PPP1R11: variants seen among roughly 807,000 people sequenced by gnomAD.
PPP1R11 encodes protein phosphatase 1 regulatory inhibitor subunit 11.
In PPP1R11, 10 loss-of-function variants were observed where a neutral mutation model predicts 11.3. The ratio of observed to expected loss-of-function variants is 0.88; its 90% CI spans 0.55 to 1.50. PPP1R11 has a LOEUF of 1.50. Ranked by LOEUF, PPP1R11 falls within the 40% of genes most tolerant of loss-of-function variation. PPP1R11 has a pLI of 0.00. For missense variants in PPP1R11, 114 were observed against 179.1 expected (o/e 0.64, Z 2.07); for synonymous variants, 56 against 62.3 (o/e 0.90, Z 0.48).
chr6:30,068,974 T>C, intron 2 of PPP1R11, 130 bp from the exon 3 acceptor site: 1 of 972,300 alleles, frequency 1.0e-6, no homozygotes, highest in Non-Finnish European at 1.5e-6. Flanking sequence ...TCCCAGAGGG[T>C]GGGCCTGGGG....
chr6:30,069,443 T>A lies in PPP1R11; in HGVS notation c.*137T>A. On this transcript the variant is annotated 3_prime_UTR_variant, in exon 3 of 3. Transcript: ENST00000376772. The surrounding 1 kb of genome is among the most constrained non-coding windows in gnomAD (Gnocchi z 6.6). The stretch of plus-strand genomic sequence containing the variant: ...AGGAGGACGAACAGAGATCCTGAAA[T>A]TCTGACTTGCTGCTATTCCAGAACC... 1.4e-6 allele frequency: 1 copy of A among 738,746 alleles called. No homozygotes were observed. The highest frequency in any genetic ancestry group is 2.1e-6 in the Non-Finnish European group (1 of 483,578). 45.8% of individuals were successfully genotyped at this position (738,746 alleles called of 1,614,324 possible).
chr6:30,067,964 TGTAAATGGAGAA>T (rs1425142889), intron 1 of PPP1R11, among the ~76,000 whole-genome samples: 8 of 152,054 alleles, frequency 5.3e-5, no homozygotes, highest in Non-Finnish European at 1.2e-4. Context: ...AGAGCAAAGA[TGTAAATGGAGAA>T]ACAAGAAGTA....
chr6:30,062,714 C>CCTTTTTTTTTTTTTTTTTTTT (rs749507630), upstream of PPP1R11, among the ~76,000 whole-genome samples: 6 of 42,388 alleles, frequency 1.4e-4, 1 homozygote, highest in East Asian at 9.5e-4. Context: ...CCACGCCTGG[C>CCTTTTTTTTTTTTTTTTTTTT]TTTTTTTTTT....
intron 1 of PPP1R11, chr6:30,068,379 CT>C (rs1765684819): frequency 2.3e-6 from 1 of 436,778 alleles, no homozygotes; most frequent in African/African-American, 2.0e-5. Flanking sequence ...TTCTCTTATA[CT>C]GGTGGTATAA....
At chr6:30,063,436 A>G (rs928726468), upstream of PPP1R11, among the ~76,000 whole-genome samples, 1 of 151,660 alleles carries the variant, frequency 6.6e-6, no homozygotes, top group Non-Finnish European at 1.5e-5. The surrounding 1 kb of genome is among the most constrained non-coding windows in gnomAD (Gnocchi z 4.1). Context: ...TTTGAGTTCT[A>G]TTTAATTACT....
upstream of PPP1R11, chr6:30,062,391 GATTT>G: frequency 8.0e-7 from 1 of 1,255,318 alleles, no homozygotes; most frequent in Non-Finnish European, 1.2e-6. Flanking sequence ...CAAATCCAGT[GATTT>G]ATTTTTTTGT....
upstream of PPP1R11, among the ~76,000 whole-genome samples, chr6:30,063,164 A>C: frequency 6.6e-6 from 1 of 151,538 alleles, no homozygotes; most frequent in East Asian, 1.9e-4. The surrounding 1 kb of genome is among the most constrained non-coding windows in gnomAD (Gnocchi z 4.1). Context: ...TTTTTTCATC[A>C]ACCTTGGAAA....
rs1765701450 is a variant in PPP1R11 at position 30,068,577 on chromosome 6, C to T, written c.70-13C>T. ...AGGGGACTAGATAGGTATGCTCATC[C>T]TTAACCTTCTAGGAGAACCGGAGCC... On this transcript the variant is annotated splice_polypyrimidine_tract_variant and intron_variant, in intron 1 of 2. Coordinates refer to ENST00000376772, the MANE Select transcript of PPP1R11 (RefSeq NM_021959.3). 1.2e-6 allele frequency: 2 copies of T among 1,608,250 alleles called. No individual in the cohort carries two copies. The highest frequency in any genetic ancestry group is 2.7e-5 in the African/African-American group (2 of 74,886).
In PPP1R11 at chr6:30,068,785, A is replaced by C. The variant is rs1488740617; in HGVS notation, c.178+87A>C. ...CTACTCATATCCACTGGCTTTCCAGAAGCCCCCAGATGTTCATAGTTCTGT... is the reference window on the plus strand; with the variant it reads ...CTACTCATATCCACTGGCTTTCCAGCAGCCCCCAGATGTTCATAGTTCTGT... On this transcript the variant is annotated intron_variant, in intron 2 of 2. Transcript: ENST00000376772. 3 of 1,197,102 alleles carry C rather than the reference A, an allele frequency of 2.5e-6. No homozygotes were observed. In the African/African-American group the frequency reaches 4.6e-5, roughly 18 times the overall value. The allele number at this position is 1,197,102 out of a possible 1,614,324, so 74.2% of individuals were successfully genotyped here. A position where few individuals can be genotyped will look rare whatever the true frequency, so the allele number is the denominator to read the frequency against.
At position 30,067,279 on chromosome 6, in the gene PPP1R11, G is replaced by A; in HGVS notation, c.-132G>A. On this transcript the variant is annotated 5_prime_UTR_variant, in exon 1 of 3. Transcript: ENST00000376772. ...GGAGAAGCGGAGGCCCAGGAGGAGG[G>A]GGAATAAAGAAGGTGGAGGATCCTG... is the stretch of plus-strand genomic sequence containing the variant. The A allele has an allele frequency of 1.1e-6, 1 of 919,580 alleles. No homozygotes were observed. The highest frequency in any genetic ancestry group is 1.7e-6 in the Non-Finnish European group (1 of 600,782). 57.0% of individuals were successfully genotyped at this position (919,580 alleles called of 1,614,324 possible). A position where few individuals can be genotyped will look rare whatever the true frequency, so the allele number is the denominator to read the frequency against.
At chr6:30,062,378 A>G (rs1253493220), upstream of PPP1R11, 6 of 1,322,988 alleles carry the variant, frequency 4.5e-6, no homozygotes, top group Non-Finnish European at 6.5e-6. Flanking sequence ...TTTGCTAACT[A>G]AACAAATCCA....
chr6:30,067,321 C>A lies in PPP1R11; in HGVS notation c.-90C>A, dbSNP rs544260077. The A allele has an allele frequency of 2.2e-6, 3 of 1,358,726 alleles. No individual in the cohort carries two copies. Among genetic ancestry groups the A allele is most frequent in the East Asian group, 2.3e-5 (1 of 42,672 alleles). 84.2% of individuals were successfully genotyped at this position (1,358,726 alleles called of 1,614,324 possible). A position where few individuals can be genotyped will look rare whatever the true frequency, so the allele number is the denominator to read the frequency against. ...AGGATCCTGGCTACCACTCTGAATC[C>A]GATACCGCTTCTCTTAGACCTCAGC... On this transcript the variant is annotated 5_prime_UTR_variant, in exon 1 of 3. Transcript: ENST00000376772.
Position 30,069,925 on chromosome 6 carries a change from C to T in PPP1R11, c.*619C>T, listed in dbSNP as rs1245606319. On this transcript the variant is annotated 3_prime_UTR_variant, in exon 3 of 3. Coordinates refer to ENST00000376772, the MANE Select transcript of PPP1R11 (RefSeq NM_021959.3). This position sits in a 1 kb window ranked among gnomAD's most constrained non-coding sequence, Gnocchi z 6.6. ...AAAATGGAATAAGAAATAATCATAT[C>T]CTTTCTTCCCACCCTTCTCCTGTTA... The T allele has an allele frequency of 6.6e-6, 1 of 152,178 alleles. No individual in the cohort carries two copies. The highest frequency in any genetic ancestry group is 1.5e-5 in the Non-Finnish European group (1 of 68,056). 9.4% of individuals were successfully genotyped at this position (152,178 alleles called of 1,614,324 possible).
chr6:30,068,766 A>G (rs1765719411), intron 2 of PPP1R11, 68 bp downstream of exon 2: 10 of 1,370,830 alleles, frequency 7.3e-6, no homozygotes, highest in African/African-American at 1.4e-5. Flanking sequence ...GTATCTACTC[A>G]TATCCACTGG....
At chr6:30,067,074 C>T (rs1407936296), upstream of PPP1R11, 3 of 325,304 alleles carry the variant, frequency 9.2e-6, no homozygotes, top group African/African-American at 4.2e-5. Context: ...ACCCCTTCCG[C>T]CAAATTTGTT....
Position 30,068,654 on chromosome 6 carries a change from G to GT in PPP1R11, c.135dup (p.Asp46Ter). The GT allele has an allele frequency of 6.2e-7, 1 of 1,613,030 alleles. No individual in the cohort carries two copies. Among genetic ancestry groups the GT allele is most frequent in the Non-Finnish European group, 8.5e-7 (1 of 1,180,002 alleles). ...CCAGAGAAAAAGGTAGAATGGACAAGTGACACTGTGGACAATGAACACATG... is the reference window on the plus strand; with the variant it reads ...CCAGAGAAAAAGGTAGAATGGACAAGTTGACACTGTGGACAATGAACACATG... On this transcript the variant is annotated frameshift_variant, in exon 2 of 3. Coordinates refer to ENST00000376772, the MANE Select transcript of PPP1R11 (RefSeq NM_021959.3). LOFTEE classifies it high-confidence loss of function.
At chr6:30,063,955 T>C (rs1561966005), upstream of PPP1R11, among the ~76,000 whole-genome samples, 1 of 152,190 alleles carries the variant, frequency 6.6e-6, no homozygotes, top group Non-Finnish European at 1.5e-5. The surrounding 1 kb of genome is among the most constrained non-coding windows in gnomAD (Gnocchi z 4.1). Context: ...TAGAGTTGAA[T>C]TTTTTCTTTT....
At chr6:30,062,453 C>T (rs1765161229), upstream of PPP1R11, 2 of 638,852 alleles carry the variant, frequency 3.1e-6, no homozygotes, top group Non-Finnish European at 5.6e-6. Context: ...CTGTGCAGTT[C>T]TGGTAATAGG....
At position 30,069,326 on chromosome 6, in the gene PPP1R11, T is replaced by C; in HGVS notation, c.*20T>C. Reference sequence around the variant, plus strand: ...CACTAAATCCCTCTCTCCTCCAGCATTCCTGTGTCTGTCTGGCCCTAAATG... The same window carrying C: ...CACTAAATCCCTCTCTCCTCCAGCACTCCTGTGTCTGTCTGGCCCTAAATG... On this transcript the variant is annotated 3_prime_UTR_variant, in exon 3 of 3. Transcript: ENST00000376772. The surrounding 1 kb of genome is among the most constrained non-coding windows in gnomAD (Gnocchi z 6.6). The C allele has an allele frequency of 4.7e-6, 7 of 1,491,490 alleles. No individual in the cohort carries two copies. Among genetic ancestry groups the C allele is most frequent in the Non-Finnish European group, 6.3e-6 (7 of 1,102,940 alleles). 92.4% of individuals were successfully genotyped at this position (1,491,490 alleles called of 1,614,324 possible).
Sources: allele counts gnomAD v4.1 joint callset (sites outside exome capture counted in the v4.1 genomes callset), GRCh38; gene constraint gnomAD v4.1.1; non-coding constraint Gnocchi (gnomAD v3.1); transcripts MANE v1.5; gene names NCBI Gene and HGNC (gene_info 2026-07-23, HGNC 2026-07-21).